MYO16: variants seen among roughly 807,000 people sequenced by gnomAD.
MYO16 encodes myosin XVI.
MYO16 carries 94 observed loss-of-function variants against 205.3 expected under a neutral mutation model. That is an observed-to-expected ratio of 0.46 (90% confidence interval 0.39 to 0.54). MYO16 has a LOEUF of 0.54. MYO16 is among the 20% of genes least tolerant of loss of function. MYO16 has a pLI of 0.00. For missense variants in MYO16, 2,315 were observed against 2,387.5 expected, an observed-to-expected ratio of 0.97 and a Z score of 0.63; for synonymous variants, 988 against 954.0, an observed-to-expected ratio of 1.04 and a Z score of -0.66.
intron 23 of MYO16, among the ~76,000 whole-genome samples, chr13:109,022,860 AATAT>A (rs1886131665): frequency 7.3e-6 from 1 of 136,528 alleles, no homozygotes; most frequent in African/African-American, 2.6e-5. Flanking sequence ...TATTATACTC[AATAT>A]ATAAACATGT....
chr13:108,695,241 GA>G (rs143921790), intron 2 of MYO16, among the ~76,000 whole-genome samples: 2,217 of 152,196 alleles, frequency 0.015, 66 homozygotes, highest in African/African-American at 0.051. Flanking sequence ...TTTGCATGTG[GA>G]TATCCAGTTG....
At chr13:108,980,441 C>T (rs528199117) in intron 20 of MYO16, among the ~76,000 whole-genome samples, 69 of 152,264 alleles carry the variant, frequency 4.5e-4, no homozygotes, top group Non-Finnish European at 8.2e-4. Context: ...TTATTATGCT[C>T]TCTGTGCCTG....
At chr13:108,865,376 T>C (rs1285390658) in intron 11 of MYO16, among the ~76,000 whole-genome samples, 2 of 152,168 alleles carry the variant, frequency 1.3e-5, no homozygotes, top group Non-Finnish European at 2.9e-5. Context: ...TTCTTCCTGA[T>C]TGATTTATCA....
chr13:108,538,413 T>A, the MYO16 span, among the ~76,000 whole-genome samples: 1 of 152,050 alleles, frequency 6.6e-6, no homozygotes, highest in African/African-American at 2.4e-5. Context: ...ATTAATGGAT[T>A]ATTAGTGACT....
At chr13:109,187,454 C>T (rs1432327595) in intron 34 of MYO16, among the ~76,000 whole-genome samples, 1 of 152,052 alleles carries the variant, frequency 6.6e-6, no homozygotes, top group Non-Finnish European at 1.5e-5. Context: ...AAATAGGTAG[C>T]ATAGATCACT....
intron 6 of MYO16, among the ~76,000 whole-genome samples, chr13:108,804,799 C>T (rs1356164666): frequency 6.6e-6 from 1 of 152,142 alleles, no homozygotes; most frequent in African/African-American, 2.4e-5. Context: ...CTGGTAGTAA[C>T]ACTTTGGATA....
At position 109,033,229 on chromosome 13, in the gene MYO16, T is replaced by C. The variant is rs140836787; in HGVS notation, c.2796+13318T>C. Among the ~76,000 whole-genome samples the C allele has an allele frequency of 6.9e-4, 105 of 152,256 alleles. 1 individual carries two copies. In the East Asian group the frequency reaches 0.019, roughly 27 times the overall value. On this transcript the variant is annotated intron_variant, in intron 23 of 34. Transcript: ENST00000457511. ...CGTTTCCTCTCGTCTCTCTGTTCTG[T>C]AGCCTGTGAGGCAGTGCACCACTGA... is the stretch of plus-strand genomic sequence containing the variant.
intron 7 of MYO16, among the ~76,000 whole-genome samples, chr13:108,817,708 G>A (rs914663786): frequency 3.9e-5 from 6 of 152,112 alleles, no homozygotes; most frequent in East Asian, 1.9e-4. Flanking sequence ...CGGCTTCAGT[G>A]TCCAGCACAA....
intron 6 of MYO16, among the ~76,000 whole-genome samples, chr13:108,794,978 TTTTTACA>T (rs935113994): frequency 2.0e-5 from 3 of 152,136 alleles, no homozygotes; most frequent in Non-Finnish European, 4.4e-5. Flanking sequence ...TGTAAATATA[TTTTTACA>T]TTTATTAAAT....
At chr13:108,632,195 G>T (rs1309614670) in intron 1 of MYO16, among the ~76,000 whole-genome samples, 1 of 151,100 alleles carries the variant, frequency 6.6e-6, no homozygotes, top group East Asian at 2.0e-4. Context: ...TTCCCAAATT[G>T]TTGTCTCCCA....
At chr13:108,907,895 C>T (rs1881067103) in intron 15 of MYO16, among the ~76,000 whole-genome samples, 1 of 152,090 alleles carries the variant, frequency 6.6e-6, no homozygotes, top group Non-Finnish European at 1.5e-5. Flanking sequence ...ACTATTCATT[C>T]TCCCTTCTCA....
At chr13:108,595,292 C>G (rs7321275), upstream of MYO16, among the ~76,000 whole-genome samples, 142,293 of 152,178 alleles carry the variant, frequency 0.94, 67,286 homozygotes, top group East Asian at 1. Flanking sequence ...TGTCTTAGTA[C>G]TAGTAGGCTT....
At chr13:108,571,170 C>A in the MYO16 span, among the ~76,000 whole-genome samples, 1 of 151,632 alleles carries the variant, frequency 6.6e-6, no homozygotes, top group Admixed American at 6.6e-5. Context: ...AAGAAAATAC[C>A]TTTTTGATGA....
At chr13:109,039,378 A>G (rs1943233961) in intron 23 of MYO16, among the ~76,000 whole-genome samples, 1 of 152,220 alleles carries the variant, frequency 6.6e-6, no homozygotes, top group African/African-American at 2.4e-5. Context: ...CACATCCACC[A>G]GCAAAAGCAG....
chr13:108,980,978 G>T (rs973763902), intron 20 of MYO16, among the ~76,000 whole-genome samples: 3 of 152,118 alleles, frequency 2.0e-5, no homozygotes, highest in Non-Finnish European at 4.4e-5. Context: ...ATGGGCTAGG[G>T]ATATGAACCC....
At chr13:109,034,503 T>C (rs1886650112) in intron 23 of MYO16, among the ~76,000 whole-genome samples, 2 of 152,194 alleles carry the variant, frequency 1.3e-5, no homozygotes, top group African/African-American at 4.8e-5. Flanking sequence ...CCGCCATGAT[T>C]GTAAGTTCCC....
the MYO16 span, among the ~76,000 whole-genome samples, chr13:108,550,202 A>C: frequency 6.6e-6 from 1 of 152,388 alleles, no homozygotes; most frequent in African/African-American, 2.4e-5. Flanking sequence ...TCTTCGACAC[A>C]GCTGCTGGGG....
At chr13:108,741,141 C>T (rs1407070213) in intron 4 of MYO16, among the ~76,000 whole-genome samples, 2 of 152,096 alleles carry the variant, frequency 1.3e-5, no homozygotes, top group Non-Finnish European at 2.9e-5. Flanking sequence ...ACCCACTGTC[C>T]TGCACCCACC....
chr13:108,901,539 A>T (rs1267075238), intron 15 of MYO16, among the ~76,000 whole-genome samples: 1 of 152,212 alleles, frequency 6.6e-6, no homozygotes, highest in Non-Finnish European at 1.5e-5. Context: ...CTGTGACCGT[A>T]AATTCAATAT....
Sources: gnomAD v4.1 joint callset for allele counts (sites outside exome capture counted in the v4.1 genomes callset) on GRCh38, gnomAD v4.1.1 for gene constraint, MANE v1.5 for transcripts, NCBI Gene and HGNC (gene_info 2026-07-23, HGNC 2026-07-21) for gene names.